ZNF492: variants seen among roughly 807,000 people sequenced by gnomAD.
The protein encoded by ZNF492 is zinc finger protein 115 (Y20).
A neutral mutation model predicts 6.4 loss-of-function variants in ZNF492; 3 were observed. The ratio of observed to expected loss-of-function variants is 0.47; its 90% CI spans 0.21 to 1.22. The LOEUF (loss-of-function observed/expected upper bound fraction) is 1.22, where lower values mean the gene tolerates loss of function less well. Ranked by LOEUF, ZNF492 falls within the 50% of genes most tolerant of loss-of-function variation. The pLI, the probability that ZNF492 is intolerant of heterozygous loss-of-function variation, is 0.22. For missense variants in ZNF492, 356 were observed against 612.5 expected (o/e 0.58, Z 4.42); for synonymous variants, 112 against 205.3 (o/e 0.55, Z 3.89).
intron 1 of ZNF492, among the ~76,000 whole-genome samples, chr19:22,636,956 C>CGTTTT (rs775718415): frequency 2.5e-5 from 3 of 119,502 alleles, no homozygotes; most frequent in African/African-American, 1.1e-4. Flanking sequence ...TTTTAGTAAA[C>CGTTTT]CTTTTTTTTT....
intron 1 of ZNF492, among the ~76,000 whole-genome samples, chr19:22,641,558 GAAGACTGT>G (rs1315542007): frequency 1.3e-5 from 2 of 152,168 alleles, no homozygotes; most frequent in African/African-American, 2.4e-5. Flanking sequence ...GTGATGATGA[GAAGACTGT>G]ATACTATGTT....
chr19:22,657,399 G>T (rs564252467), intron 3 of ZNF492, among the ~76,000 whole-genome samples: 1 of 152,120 alleles, frequency 6.6e-6, no homozygotes, highest in African/African-American at 2.4e-5. Flanking sequence ...TTTATTTTGT[G>T]TAAGAATAGC....
intron 3 of ZNF492, among the ~76,000 whole-genome samples, chr19:22,658,373 C>A (rs1972018559): frequency 6.6e-6 from 1 of 151,602 alleles, no homozygotes; most frequent in South Asian, 2.1e-4. Context: ...GTAATTGTGC[C>A]ATGCACCCCA....
At chr19:22,650,173 C>T (rs1333633053) in intron 1 of ZNF492, among the ~76,000 whole-genome samples, 5 of 152,130 alleles carry the variant, frequency 3.3e-5, no homozygotes, top group Non-Finnish European at 7.3e-5. Context: ...TCAGATCCCT[C>T]TTCTGTATGG....
chr19:22,657,583 G>C (rs1261084038), intron 3 of ZNF492, among the ~76,000 whole-genome samples: 1 of 151,962 alleles, frequency 6.6e-6, no homozygotes, highest in Admixed American at 6.6e-5. Context: ...AAATATTACA[G>C]TTATCTACAC....
chr19:22,661,258 C>T (rs982982024), intron 3 of ZNF492, among the ~76,000 whole-genome samples: 3 of 151,558 alleles, frequency 2.0e-5, no homozygotes, highest in African/African-American at 2.4e-5. Context: ...ATTTTTGTGA[C>T]TTTCTACAGT....
chr19:22,663,713 A>G, intron 3 of ZNF492, 87 bp from the exon 4 acceptor site: 1 of 1,256,420 alleles, frequency 8.0e-7, no homozygotes. Flanking sequence ...CTTGTGATGT[A>G]GTTTGTATAA....
chr19:22,656,767 A>G (rs1426812360), intron 3 of ZNF492, among the ~76,000 whole-genome samples: 1 of 152,096 alleles, frequency 6.6e-6, no homozygotes, highest in East Asian at 1.9e-4. Flanking sequence ...CACCTGAATG[A>G]AAGCCTGCCT....
At chr19:22,659,355 G>T (rs990461445) in intron 3 of ZNF492, among the ~76,000 whole-genome samples, 1 of 150,942 alleles carries the variant, frequency 6.6e-6, no homozygotes, top group African/African-American at 2.5e-5. Context: ...TGTGTGTCCT[G>T]GTGTTGAGGG....
chr19:22,665,585 A>T lies in ZNF492; in HGVS notation c.*320A>T. The T allele has an allele frequency of 3.5e-6, 1 of 282,352 alleles. No homozygotes were observed. The highest frequency in any genetic ancestry group is 6.6e-6 in the Non-Finnish European group (1 of 151,420). The allele number at this position is 282,352 out of a possible 1,614,324, so 17.5% of individuals were successfully genotyped here. A position where few individuals can be genotyped will look rare whatever the true frequency, so the allele number is the denominator to read the frequency against. Reference sequence around the variant, plus strand: ...GCTGAAGAGGATTTATTTTGAAGACAAACATTACAAATATAAACGAAGTTG... The same window carrying T: ...GCTGAAGAGGATTTATTTTGAAGACTAACATTACAAATATAAACGAAGTTG... On this transcript the variant is annotated 3_prime_UTR_variant, in exon 4 of 4. Transcript: ENST00000456783.
At chr19:22,638,675 A>T (rs1415691779) in intron 1 of ZNF492, among the ~76,000 whole-genome samples, 1 of 152,092 alleles carries the variant, frequency 6.6e-6, no homozygotes. Flanking sequence ...CTTTTTGCTT[A>T]TGATTGCCTT....
At chr19:22,641,941 C>G (rs1375410312) in intron 1 of ZNF492, among the ~76,000 whole-genome samples, 3 of 152,036 alleles carry the variant, frequency 2.0e-5, no homozygotes, top group African/African-American at 7.2e-5. Flanking sequence ...CTACAGGCGC[C>G]TGCCACCATG....
At chr19:22,645,961 T>C (rs1568353261) in intron 1 of ZNF492, among the ~76,000 whole-genome samples, 1 of 152,202 alleles carries the variant, frequency 6.6e-6, no homozygotes, top group Non-Finnish European at 1.5e-5. Flanking sequence ...GTGTGATGCC[T>C]CTATCTTTGT....
chr19:22,666,443 G>C lies in ZNF492; in HGVS notation c.*1178G>C, dbSNP rs992474782. 2.0e-5 allele frequency: 3 copies of C among 152,074 alleles called. No homozygotes were observed. Among genetic ancestry groups the C allele is most frequent in the African/African-American group, 7.2e-5 (3 of 41,424 alleles). The allele number at this position is 152,074 out of a possible 1,614,324, so 9.4% of individuals were successfully genotyped here. A position where few individuals can be genotyped will look rare whatever the true frequency, so the allele number is the denominator to read the frequency against. ...AGACTTTAGGTGATCCGCCCAGCTT[G>C]GCCTCCCGCAATGCTGCAATTACAG... On this transcript the variant is annotated 3_prime_UTR_variant, in exon 4 of 4. Transcript: ENST00000456783.
chr19:22,661,429 C>T (rs1279541868), intron 3 of ZNF492, among the ~76,000 whole-genome samples: 2 of 151,964 alleles, frequency 1.3e-5, no homozygotes, highest in South Asian at 4.2e-4. Flanking sequence ...GAGATTTGGA[C>T]ATCAAAAAAA....
At chr19:22,659,646 C>G (rs1300763800) in intron 3 of ZNF492, among the ~76,000 whole-genome samples, 1 of 146,718 alleles carries the variant, frequency 6.8e-6, no homozygotes, top group Admixed American at 6.9e-5. Flanking sequence ...GTGAGTAAAT[C>G]TGAAGTGGTT....
At chr19:22,660,804 G>A (rs1972050674) in intron 3 of ZNF492, among the ~76,000 whole-genome samples, 2 of 150,840 alleles carry the variant, frequency 1.3e-5, no homozygotes, top group African/African-American at 4.9e-5. Flanking sequence ...TTTATATGTA[G>A]GGCATATGCA....
chr19:22,650,018 A>G (rs1188177781), intron 1 of ZNF492, among the ~76,000 whole-genome samples: 1 of 152,188 alleles, frequency 6.6e-6, no homozygotes, highest in Non-Finnish European at 1.5e-5. Flanking sequence ...TTGGAGAAGA[A>G]GAGGCACCCT....
intron 1 of ZNF492, among the ~76,000 whole-genome samples, chr19:22,651,818 G>A (rs1971942363): frequency 6.6e-6 from 1 of 151,392 alleles, no homozygotes; most frequent in African/African-American, 2.4e-5. Flanking sequence ...TATTTAAATG[G>A]GATGGCATTT....
Sources: allele counts gnomAD v4.1 joint callset (sites outside exome capture counted in the v4.1 genomes callset), GRCh38; gene constraint gnomAD v4.1.1; transcripts MANE v1.5; gene names NCBI Gene and HGNC (gene_info 2026-07-23, HGNC 2026-07-21).